The following STXBP5L variants were observed in gnomAD, a reference collection of about 807,000 sequenced individuals.
STXBP5L encodes syntaxin binding protein 5L.
A neutral mutation model predicts 144.5 loss-of-function variants in STXBP5L; 65 were observed. The observed-to-expected ratio is 0.45, with a 90% confidence interval of 0.37 to 0.55. STXBP5L has a LOEUF of 0.55. Ranked by LOEUF, STXBP5L falls within the 20% of genes least tolerant of loss-of-function variation. The pLI, the probability that STXBP5L is intolerant of heterozygous loss-of-function variation, is 0.00. For synonymous variants in STXBP5L, 505 were observed against 469.6 expected, an observed-to-expected ratio of 1.08 and a Z score of -0.97; for missense variants, 1,298 against 1,405.5, an observed-to-expected ratio of 0.92 and a Z score of 1.22.
intron 3 of STXBP5L, among the ~76,000 whole-genome samples, chr3:120,985,325 T>C (rs537799731): frequency 1.4e-3 from 208 of 152,204 alleles, no homozygotes; most frequent in Admixed American, 3.6e-3. Flanking sequence ...TATATAGTTA[T>C]GGGTTACAAT....
chr3:121,042,663 G>A (rs986051959), intron 4 of STXBP5L, among the ~76,000 whole-genome samples: 1 of 152,084 alleles, frequency 6.6e-6, no homozygotes, highest in Non-Finnish European at 1.5e-5. Flanking sequence ...TTATAAGTGT[G>A]GGTAAAATGT....
chr3:121,306,599 G>A (rs2043345233), intron 19 of STXBP5L, among the ~76,000 whole-genome samples: 1 of 152,140 alleles, frequency 6.6e-6, no homozygotes, highest in East Asian at 1.9e-4. Flanking sequence ...AAAGTGACTA[G>A]CCTTATATGA....
At position 121,407,349 on chromosome 3, in the gene STXBP5L, A is replaced by C; in HGVS notation, c.2694A>C (p.Ile898=). The change falls in exon 23 of 27, where the codon ATA becomes ATC. Residue 898 remains isoleucine (I), a synonymous_variant. Coordinates refer to ENST00000471454, the MANE Select transcript of STXBP5L (RefSeq NM_001308330.2). ...AAGTTTGGAGGGATCCAAACAACAT[A>C]GATGAAAATGAAAAATCTTGGAGAA... The part of the protein sequence containing the change: ...PYEVWRDPNN[I]DENEKSWRRK... 2 of 1,613,018 alleles carry C rather than the reference A, an allele frequency of 1.2e-6. No homozygotes were observed. The highest frequency in any genetic ancestry group is 1.7e-6 in the Non-Finnish European group (2 of 1,179,338).
In STXBP5L at chr3:121,121,701, C is replaced by G. The variant is rs781488933; in HGVS notation, c.666C>G (p.Gly222=). The G allele has an allele frequency of 1.3e-6, 2 of 1,594,350 alleles. No homozygotes were observed. Among genetic ancestry groups the G allele is most frequent in the East Asian group, 4.5e-5 (2 of 44,580 alleles). The change falls in exon 7 of 27, where the codon GGC becomes GGG. Residue 222 remains glycine (G), a synonymous_variant. Transcript: ENST00000471454. ...TAAGCGATAGCCCAAGAGATGAAGG[C>G]AAAGTGAGTATTATGATATCTTTAT... is the stretch of plus-strand genomic sequence containing the variant. ...VHLSDSPRDE[G]KLLIGYENGT...
intron 24 of STXBP5L, 84 bp from the exon 25 acceptor site, chr3:121,415,773 T>C: frequency 1.2e-6 from 1 of 847,908 alleles, no homozygotes; most frequent in Non-Finnish European, 1.8e-6. Context: ...TCATGATGTG[T>C]CCTACTATAT....
chr3:121,039,895 T>C (rs912562951), intron 3 of STXBP5L, among the ~76,000 whole-genome samples: 1 of 152,112 alleles, frequency 6.6e-6, no homozygotes, highest in Non-Finnish European at 1.5e-5. Context: ...ATTTTCAAGT[T>C]CACTAATCCT....
chr3:121,179,222 A>G (rs75540087), intron 9 of STXBP5L, among the ~76,000 whole-genome samples: 15,071 of 152,104 alleles, frequency 0.099, 1,179 homozygotes, highest in Admixed American at 0.2. Context: ...TTCCAATTCC[A>G]TAGGAGACAG....
chr3:121,041,375 T>C (rs1021967016), intron 3 of STXBP5L, among the ~76,000 whole-genome samples: 1 of 152,128 alleles, frequency 6.6e-6, no homozygotes, highest in African/African-American at 2.4e-5. Flanking sequence ...ACTTTGAATT[T>C]ATTGTGGTGA....
chr3:120,958,056 TA>T lies in STXBP5L; in HGVS notation c.287+3024del, dbSNP rs529646926. On this transcript the variant is annotated intron_variant, in intron 3 of 26. Coordinates refer to ENST00000471454, the MANE Select transcript of STXBP5L (RefSeq NM_001308330.2). ...AGGGAGAAGAGTCAAATAGACACAA[TA>T]AAAAGTGATAAAGGGGATATCACCA... Among the ~76,000 whole-genome samples, 15 of 152,034 alleles carry T rather than the reference TA, an allele frequency of 9.9e-5. No individual in the cohort carries two copies. In the East Asian group the frequency reaches 1.7e-3, roughly 18 times the overall value.
intron 19 of STXBP5L, among the ~76,000 whole-genome samples, chr3:121,300,093 C>T (rs534844970): frequency 4.8e-4 from 72 of 151,306 alleles, no homozygotes; most frequent in Middle Eastern, 3.5e-3. Context: ...CACACACATA[C>T]AAATACAAGG....
At chr3:121,188,629 C>T (rs2047500149) in intron 9 of STXBP5L, among the ~76,000 whole-genome samples, 1 of 152,148 alleles carries the variant, frequency 6.6e-6, no homozygotes, top group Non-Finnish European at 1.5e-5. Context: ...TGGGCTTCAT[C>T]CCTGGGATGC....
At chr3:121,305,262 T>A (rs918885250) in intron 19 of STXBP5L, among the ~76,000 whole-genome samples, 2 of 152,168 alleles carry the variant, frequency 1.3e-5, no homozygotes, top group African/African-American at 4.8e-5. Context: ...ACCAATCTTA[T>A]GCAAATTCTT....
intron 5 of STXBP5L, among the ~76,000 whole-genome samples, chr3:121,071,268 A>G (rs896207504): frequency 6.6e-6 from 1 of 152,262 alleles, no homozygotes; most frequent in African/African-American, 2.4e-5. Context: ...AAGTAAACAT[A>G]TAACTATGTT....
At chr3:121,345,668 C>G (rs2044932551) in intron 20 of STXBP5L, among the ~76,000 whole-genome samples, 1 of 152,088 alleles carries the variant, frequency 6.6e-6, no homozygotes, top group Non-Finnish European at 1.5e-5. Flanking sequence ...TCTCCAGCAT[C>G]TGTTGTTTCC....
intron 22 of STXBP5L, among the ~76,000 whole-genome samples, chr3:121,405,757 G>A (rs1181951794): frequency 6.6e-6 from 1 of 152,046 alleles, no homozygotes; most frequent in Non-Finnish European, 1.5e-5. Context: ...TACATTGTTT[G>A]GAAAACTTAA....
intron 20 of STXBP5L, among the ~76,000 whole-genome samples, chr3:121,362,705 A>G (rs1026493245): frequency 2.6e-5 from 4 of 151,980 alleles, no homozygotes; most frequent in Non-Finnish European, 4.4e-5. Flanking sequence ...GGACCCCAAG[A>G]GCCTGCTTGG....
chr3:120,958,514 A>G (rs1169894609), intron 3 of STXBP5L, among the ~76,000 whole-genome samples: 1 of 76,610 alleles, frequency 1.3e-5, no homozygotes, highest in African/African-American at 5.1e-5. Context: ...CCTCAATATA[A>G]TACAAACCGA....
chr3:121,171,939 T>G (rs1035062185), intron 9 of STXBP5L, among the ~76,000 whole-genome samples: 5 of 152,154 alleles, frequency 3.3e-5, no homozygotes, highest in Non-Finnish European at 7.3e-5. Flanking sequence ...TCACACTACT[T>G]GACTTCAAAC....
rs2047421719 is a variant in STXBP5L at position 121,424,618 on chromosome 3, C to G, written c.*5521C>G. 2.0e-5 allele frequency: 3 copies of G among 152,164 alleles called. No individual in the cohort carries two copies. The highest frequency in any genetic ancestry group is 1.3e-4 in the Admixed American group (2 of 15,276). The allele number at this position is 152,164 out of a possible 1,614,324, so 9.4% of individuals were successfully genotyped here. ...GAAACAGATGACATCATTGATGTAT[C>G]TTTCTTTCATCTTCAGAATTTTTGC... On this transcript the variant is annotated 3_prime_UTR_variant, in exon 27 of 27. Coordinates refer to ENST00000471454, the MANE Select transcript of STXBP5L (RefSeq NM_001308330.2).
Sources: allele counts gnomAD v4.1 joint callset (sites outside exome capture counted in the v4.1 genomes callset), GRCh38; gene constraint gnomAD v4.1.1; transcripts MANE v1.5; gene names NCBI Gene and HGNC (gene_info 2026-07-23, HGNC 2026-07-21).